The following DCC variants were observed in gnomAD, a reference collection of about 807,000 sequenced individuals.
DCC encodes the protein netrin receptor DCC.
Under a neutral mutation model 172.5 loss-of-function variants are expected in DCC, and 58 were observed. That is an observed-to-expected ratio of 0.34 (90% CI 0.27 to 0.42). The LOEUF (loss-of-function observed/expected upper bound fraction) is 0.42. Ranked by LOEUF, DCC falls within the 10% of genes least tolerant of loss-of-function variation. The pLI is 1.00. For missense variants in DCC, 1,740 were observed against 1,791.0 expected (o/e 0.97, Z 0.51); for synonymous variants, 709 against 644.5 (o/e 1.10, Z -1.52).
intron 2 of DCC, among the ~76,000 whole-genome samples, chr18:52,891,535 A>C (rs989562568): frequency 1.3e-5 from 2 of 152,084 alleles, no homozygotes; most frequent in African/African-American, 4.8e-5. Flanking sequence ...TTTGAGATTC[A>C]GAGATTGACA....
intron 13 of DCC, among the ~76,000 whole-genome samples, chr18:53,308,208 T>C (rs1037979717): frequency 1.3e-5 from 2 of 151,660 alleles, no homozygotes; most frequent in Non-Finnish European, 2.9e-5. Context: ...ATACTATATG[T>C]CTAATTTAAA....
chr18:52,536,739 G>A (rs950595009), intron 1 of DCC, among the ~76,000 whole-genome samples: 1 of 152,104 alleles, frequency 6.6e-6, no homozygotes, highest in South Asian at 2.1e-4. Context: ...TCAAGCTAGC[G>A]TGACTTTTCC....
In DCC at chr18:53,535,843, T is replaced by C. The variant is rs1463189723; in HGVS notation, c.*5190T>C. The stretch of plus-strand genomic sequence containing the variant: ...GAACAGTCTCATATTCATTTTTTTA[T>C]AGAAATGTTATTCCAATGGTGCATT... On this transcript the variant is annotated 3_prime_UTR_variant, in exon 29 of 29. Transcript: ENST00000442544. 6.6e-6 allele frequency: 1 copy of C among 152,248 alleles called. No homozygotes were observed. The highest frequency in any genetic ancestry group is 2.4e-5 in the African/African-American group (1 of 41,466). 9.4% of individuals were successfully genotyped at this position (152,248 alleles called of 1,614,324 possible). A position where few individuals can be genotyped will look rare whatever the true frequency, so the allele number is the denominator to read the frequency against.
chr18:53,289,872 A>G (rs1424383735), intron 12 of DCC, among the ~76,000 whole-genome samples: 2 of 152,106 alleles, frequency 1.3e-5, no homozygotes, highest in Admixed American at 6.6e-5. Context: ...TTAGGAGAAA[A>G]CTACTTCAAA....
chr18:53,109,671 T>C (rs1413862429), intron 7 of DCC, among the ~76,000 whole-genome samples: 5 of 149,934 alleles, frequency 3.3e-5, no homozygotes, highest in Non-Finnish European at 5.9e-5. Flanking sequence ...AATTTTCGTC[T>C]GCTGGGAAGA....
Position 53,092,435 on chromosome 18 carries a change from G to A in DCC, c.1261+26269G>A, listed in dbSNP as rs553548110. On this transcript the variant is annotated intron_variant, in intron 7 of 28. Transcript: ENST00000442544. ...TAGAGGAATCAATGACTAGTCTATG[G>A]TTAGACATGGACTTTATAAAGCAAG... Among the ~76,000 whole-genome samples, 5 of 152,230 alleles carry A rather than the reference G, an allele frequency of 3.3e-5. No individual in the cohort carries two copies. In the South Asian group the frequency reaches 8.3e-4, roughly 25 times the overall value.
intron 1 of DCC, among the ~76,000 whole-genome samples, chr18:52,343,351 C>G (rs561027176): frequency 6.6e-6 from 1 of 152,252 alleles, no homozygotes; most frequent in Admixed American, 6.5e-5. Context: ...CCCATTCAGC[C>G]GGGTGTTTTA....
intron 12 of DCC, among the ~76,000 whole-genome samples, chr18:53,219,465 CA>C (rs955815378): frequency 1.3e-5 from 2 of 152,068 alleles, no homozygotes; most frequent in Admixed American, 1.3e-4. Flanking sequence ...CCTTTCCCCC[CA>C]AAACCCCAGT....
chr18:53,310,972 T>C (rs2057258759), intron 13 of DCC, among the ~76,000 whole-genome samples: 2 of 116,578 alleles, frequency 1.7e-5, no homozygotes, highest in Admixed American at 1.0e-4. Context: ...ACAATAAAGG[T>C]ATACTTAGAA....
chr18:52,365,395 G>A (rs988494324), intron 1 of DCC, among the ~76,000 whole-genome samples: 1 of 152,160 alleles, frequency 6.6e-6, no homozygotes, highest in Non-Finnish European at 1.5e-5. Context: ...AGTAACACAT[G>A]ATTACTTATT....
intron 5 of DCC, among the ~76,000 whole-genome samples, chr18:53,008,629 A>G (rs2143869073): frequency 6.6e-6 from 1 of 152,148 alleles, no homozygotes; most frequent in African/African-American, 2.4e-5. Flanking sequence ...GAGCCATTTT[A>G]GTACCATTGG....
intron 1 of DCC, among the ~76,000 whole-genome samples, chr18:52,435,926 C>A (rs576972816): frequency 2.4e-4 from 37 of 152,330 alleles, no homozygotes; most frequent in Admixed American, 9.1e-4. Context: ...GCCCGCTGAA[C>A]CAAACAGGCC....
chr18:53,270,176 A>G (rs577450961), intron 12 of DCC, among the ~76,000 whole-genome samples: 4 of 152,288 alleles, frequency 2.6e-5, no homozygotes, highest in East Asian at 1.9e-4. Context: ...TTTTCCATCC[A>G]TATTTTAAGA....
chr18:52,727,323 T>A (rs548618352), intron 1 of DCC, among the ~76,000 whole-genome samples: 28 of 152,300 alleles, frequency 1.8e-4, no homozygotes, highest in African/African-American at 6.3e-4. Context: ...GGAAATTTCT[T>A]AGTTTTCTGA....
intron 2 of DCC, chr18:52,816,872 T>C (rs1443653716): frequency 6.6e-6 from 1 of 152,212 alleles, no homozygotes; most frequent in East Asian, 1.9e-4. Context: ...AATTAAAAAA[T>C]CTATTTCTAT....
At chr18:52,834,505 T>C (rs1441612479) in intron 2 of DCC, among the ~76,000 whole-genome samples, 1 of 152,162 alleles carries the variant, frequency 6.6e-6, no homozygotes, top group Non-Finnish European at 1.5e-5. Context: ...CAGGCAACGT[T>C]TCCGAACTTT....
intron 1 of DCC, among the ~76,000 whole-genome samples, chr18:52,423,961 T>G (rs772999694): frequency 7.2e-5 from 11 of 152,160 alleles, no homozygotes; most frequent in Non-Finnish European, 1.6e-4. Flanking sequence ...CGATAATGTC[T>G]CTAGGACCAA....
chr18:52,854,484 A>T (rs1383127046), intron 2 of DCC, among the ~76,000 whole-genome samples: 1 of 152,200 alleles, frequency 6.6e-6, no homozygotes, highest in East Asian at 1.9e-4. Flanking sequence ...CCTACCATGA[A>T]GATTGTGTGG....
intron 15 of DCC, among the ~76,000 whole-genome samples, chr18:53,376,936 T>A (rs1907331660): frequency 6.6e-6 from 1 of 152,186 alleles, no homozygotes; most frequent in Non-Finnish European, 1.5e-5. Flanking sequence ...CCACCTCAGT[T>A]CAGGCCCCTA....
Sources: gnomAD v4.1 joint callset for allele counts (sites outside exome capture counted in the v4.1 genomes callset) on GRCh38, gnomAD v4.1.1 for gene constraint, MANE v1.5 for transcripts, NCBI Gene and HGNC (gene_info 2026-07-23, HGNC 2026-07-21) for gene names.